CSNK1G3: variants seen among roughly 807,000 people sequenced by gnomAD.
The protein encoded by CSNK1G3 is casein kinase I isoform gamma-3.
In CSNK1G3, 23 loss-of-function variants were observed where a neutral mutation model predicts 64.3. The ratio of observed to expected loss-of-function variants is 0.36; its 90% CI spans 0.26 to 0.51. CSNK1G3 has a LOEUF of 0.51. Among genes scored for constraint, CSNK1G3 ranks in the 20% least tolerant of loss-of-function variants. The pLI is 0.96. For synonymous variants in CSNK1G3, 158 were observed against 162.2 expected, an observed-to-expected ratio of 0.97 and a Z score of 0.20; for missense variants, 357 against 510.5, an observed-to-expected ratio of 0.70 and a Z score of 2.90.
At chr5:123,554,359 A>G (rs1784230760) in intron 3 of CSNK1G3, among the ~76,000 whole-genome samples, 1 of 152,188 alleles carries the variant, frequency 6.6e-6, no homozygotes, top group Non-Finnish European at 1.5e-5. Flanking sequence ...ATTCACAGTA[A>G]TCAGTTCACA....
intron 1 of CSNK1G3, among the ~76,000 whole-genome samples, chr5:123,521,715 A>G (rs1034964569): frequency 2.6e-5 from 4 of 152,226 alleles, no homozygotes; most frequent in African/African-American, 7.2e-5. Flanking sequence ...AAAATGGACA[A>G]TTTTAAAGAT....
chr5:123,530,202 T>C (rs750779699), intron 1 of CSNK1G3, among the ~76,000 whole-genome samples: 2 of 151,986 alleles, frequency 1.3e-5, no homozygotes, highest in Non-Finnish European at 2.9e-5. Context: ...AAATTGAGAA[T>C]AGAAGGCATA....
intron 2 of CSNK1G3, among the ~76,000 whole-genome samples, chr5:123,547,571 G>A (rs1782775425): frequency 6.6e-6 from 1 of 152,040 alleles, no homozygotes; most frequent in African/African-American, 2.4e-5. Context: ...CTGAAAAAGA[G>A]GTAAAGCACC....
chr5:123,554,269 G>C (rs1252999066), intron 3 of CSNK1G3, among the ~76,000 whole-genome samples: 1 of 152,118 alleles, frequency 6.6e-6, no homozygotes, highest in East Asian at 1.9e-4. Flanking sequence ...GTCCGTCTTG[G>C]TATTAAGATC....
exon 13 of CSNK1G3, chr5:123,615,401 AT>A (rs1448619486): frequency 1.3e-5 from 2 of 152,492 alleles, no homozygotes; most frequent in African/African-American, 4.8e-5. Flanking sequence ...TTGCTCTTTG[AT>A]TAAAAAAAAG....
At chr5:123,557,450 T>C in intron 3 of CSNK1G3, 45 bp from the exon 4 acceptor site, 2 of 1,445,002 alleles carry the variant, frequency 1.4e-6, no homozygotes, top group Non-Finnish European at 1.9e-6. Context: ...GACCTAGTGC[T>C]CTTTTAATAA....
chr5:123,538,331 C>T (rs1010944571), intron 1 of CSNK1G3, among the ~76,000 whole-genome samples: 1 of 152,152 alleles, frequency 6.6e-6, no homozygotes, highest in Non-Finnish European at 1.5e-5. Flanking sequence ...TTCTTACCAA[C>T]ACTTGATATT....
intron 4 of CSNK1G3, among the ~76,000 whole-genome samples, chr5:123,568,703 T>C (rs937536424): frequency 6.6e-6 from 1 of 152,174 alleles, no homozygotes; most frequent in African/African-American, 2.4e-5. Flanking sequence ...AAGGCTCTTG[T>C]CTCCTTTGTA....
intron 2 of CSNK1G3, among the ~76,000 whole-genome samples, chr5:123,549,874 A>G (rs1783309536): frequency 6.6e-6 from 1 of 152,238 alleles, no homozygotes; most frequent in Non-Finnish European, 1.5e-5. Flanking sequence ...CTGAAATAAG[A>G]TATTGTAACT....
At chr5:123,517,478 A>G (rs570557036) in intron 1 of CSNK1G3, among the ~76,000 whole-genome samples, 3 of 152,256 alleles carry the variant, frequency 2.0e-5, no homozygotes, top group South Asian at 2.1e-4. Context: ...GCCAAAATCA[A>G]TTATGGTTGA....
chr5:123,615,488 T>C (rs1749306056), exon 13 of CSNK1G3: 1 of 152,624 alleles, frequency 6.6e-6, no homozygotes, highest in Non-Finnish European at 1.5e-5. Context: ...TTGCTGATTC[T>C]CTGGAATTTT....
At chr5:123,574,096 G>A (rs997868696) in intron 5 of CSNK1G3, among the ~76,000 whole-genome samples, 1 of 152,048 alleles carries the variant, frequency 6.6e-6, no homozygotes, top group Admixed American at 6.6e-5. Context: ...TGATCCGCCC[G>A]CCTTGGCCTT....
rs193203217 is a variant in CSNK1G3, at chr5:123,529,721, T to C, written c.-247-15696T>C. On this transcript the variant is annotated intron_variant, in intron 1 of 12. Coordinates refer to ENST00000345990, the Ensembl canonical transcript of CSNK1G3. ...CACGGAGGTTGGTATGGTGAATATT[T>C]CGGTAATAAAAATTTAGCATGACCT... Among the ~76,000 whole-genome samples the C allele has an allele frequency of 5.9e-4, 90 of 152,318 alleles. 1 individual carries two copies. The East Asian group carries it at 0.015, about 26-fold the overall frequency.
At chr5:123,547,912 C>G (rs1782856474) in intron 2 of CSNK1G3, among the ~76,000 whole-genome samples, 1 of 151,928 alleles carries the variant, frequency 6.6e-6, no homozygotes, top group African/African-American at 2.4e-5. Flanking sequence ...CTTTCTATAC[C>G]TGGATAAACA....
intron 2 of CSNK1G3, among the ~76,000 whole-genome samples, chr5:123,546,965 G>A (rs1782631986): frequency 6.6e-6 from 1 of 152,038 alleles, no homozygotes; most frequent in South Asian, 2.1e-4. Flanking sequence ...AATGTTTTAT[G>A]TTTTATTATT....
At chr5:123,529,939 C>A (rs1260082049) in intron 1 of CSNK1G3, among the ~76,000 whole-genome samples, 1 of 151,936 alleles carries the variant, frequency 6.6e-6, no homozygotes, top group East Asian at 1.9e-4. Context: ...AAGTTTGAGA[C>A]CAGCCTGGGC....
chr5:123,528,728 A>G (rs1272267429), intron 1 of CSNK1G3, among the ~76,000 whole-genome samples: 3 of 152,120 alleles, frequency 2.0e-5, no homozygotes, highest in African/African-American at 7.2e-5. Flanking sequence ...TTTAGTTGTC[A>G]TTTCTTATTC....
chr5:123,572,866 A>G (rs148436178), intron 4 of CSNK1G3, among the ~76,000 whole-genome samples: 1,578 of 152,272 alleles, frequency 0.01, 27 homozygotes, highest in African/African-American at 0.035. Flanking sequence ...CCTTAATTAC[A>G]TTTGCCGTAT....
intron 4 of CSNK1G3, among the ~76,000 whole-genome samples, chr5:123,569,119 A>C (rs1438268134): frequency 6.6e-6 from 1 of 152,224 alleles, no homozygotes; most frequent in Non-Finnish European, 1.5e-5. Context: ...TGTAACAAAC[A>C]ATGAAGCTTG....
Sources: gnomAD v4.1 joint callset for allele counts (sites outside exome capture counted in the v4.1 genomes callset) on GRCh38, gnomAD v4.1.1 for gene constraint, MANE v1.5 for transcripts, NCBI Gene and HGNC (gene_info 2026-07-23, HGNC 2026-07-21) for gene names.